The following BPIFB3 variants were observed in gnomAD, a reference collection of about 807,000 sequenced individuals.
BPIFB3 encodes the protein BPI fold containing family B member 3, also known as BPI fold-containing family B member 3.
In BPIFB3, 49 loss-of-function variants were observed where a neutral mutation model predicts 53.1. The ratio of observed to expected loss-of-function variants is 0.92; its 90% CI spans 0.73 to 1.17. BPIFB3 has a LOEUF of 1.17. Among genes scored for constraint, BPIFB3 ranks in the 50% most tolerant of loss-of-function variants. BPIFB3 has a pLI of 0.00. For missense variants in BPIFB3, 628 were observed against 592.5 expected, an observed-to-expected ratio of 1.06 and a Z score of -0.62; for synonymous variants, 271 against 269.6, an observed-to-expected ratio of 1.01 and a Z score of -0.05.
chr20:33,072,884 C>A, intron 14 of BPIFB3, 91 bp downstream of exon 15: 1 of 1,115,774 alleles, frequency 9.0e-7, no homozygotes, highest in Non-Finnish European at 1.3e-6. Flanking sequence ...TGCTTTGCTT[C>A]ATCCTCTTGT....
exon 14 of BPIFB3, chr20:33,072,788 G>T (rs376787900): frequency 2.8e-5 from 45 of 1,612,154 alleles, no homozygotes; most frequent in Non-Finnish European, 3.6e-5. Context: ...TCTGGAGATC[G>T]TAGAGGTGAG....
chr20:33,070,449 T>G (rs551103370), intron 11 of BPIFB3, among the ~76,000 whole-genome samples: 2 of 152,236 alleles, frequency 1.3e-5, no homozygotes, highest in South Asian at 4.1e-4. Context: ...CACAGTACTT[T>G]ACAGTTTGCA....
At chr20:33,061,071 C>T (rs1980435009) in intron 4 of BPIFB3, among the ~76,000 whole-genome samples, 1 of 152,238 alleles carries the variant, frequency 6.6e-6, no homozygotes, top group Admixed American at 6.5e-5. Flanking sequence ...ATCCCGGCCC[C>T]TGCTCCATCT....
At chr20:33,069,025 G>A in intron 10 of BPIFB3, 52 bp downstream of exon 11, 17 of 1,578,488 alleles carry the variant, frequency 1.1e-5, no homozygotes, top group Non-Finnish European at 1.5e-5. Flanking sequence ...CCAAATGGGG[G>A]TGACTGTCTC....
At chr20:33,067,966 A>G (rs1980733797) in intron 9 of BPIFB3, among the ~76,000 whole-genome samples, 1 of 152,198 alleles carries the variant, frequency 6.6e-6, no homozygotes, top group Non-Finnish European at 1.5e-5. Flanking sequence ...ATGTGTTCCA[A>G]GCTTCTGTGG....
chr20:33,056,645 A>C (rs1980220382), exon 2 of BPIFB3: 1 of 1,612,334 alleles, frequency 6.2e-7, no homozygotes, highest in African/African-American at 1.3e-5. Context: ...TGCTTGGAGG[A>C]GGCGGCTTGC....
chr20:33,064,606 A>C (rs901751653), intron 7 of BPIFB3, 58 bp downstream of exon 8: 7 of 1,612,986 alleles, frequency 4.3e-6, no homozygotes, highest in African/African-American at 1.3e-5. Flanking sequence ...GGGATGCCGG[A>C]TCAAGGCAGG....
At chr20:33,056,463 A>T in intron 1 of BPIFB3, 79 bp from the exon 3 acceptor site, 2 of 1,535,326 alleles carry the variant, frequency 1.3e-6, no homozygotes, top group Non-Finnish European at 1.8e-6. Context: ...ACTCAATCTC[A>T]GAGGAAGGAG....
intron 12 of BPIFB3, among the ~76,000 whole-genome samples, chr20:33,071,709 C>T (rs990512070): frequency 7.2e-5 from 11 of 152,162 alleles, no homozygotes; most frequent in African/African-American, 2.7e-4. Flanking sequence ...TCTGGAATCT[C>T]ACCATGGGCT....
chr20:33,069,279 A>C (rs1980791176), intron 10 of BPIFB3, among the ~76,000 whole-genome samples: 1 of 151,770 alleles, frequency 6.6e-6, no homozygotes, highest in South Asian at 2.1e-4. Context: ...TATCTCCCTG[A>C]CGACCCTCCA....
In BPIFB3 at chr20:33,061,889, C is replaced by T; in HGVS notation, c.591+58C>T. The T allele has an allele frequency of 2.5e-6, 4 of 1,594,460 alleles. No individual in the cohort carries two copies. In the South Asian group the frequency reaches 4.4e-5, roughly 18 times the overall value. On this transcript the variant is annotated intron_variant, in intron 5 of 14. Transcript: ENST00000375494. Reference sequence around the variant, plus strand: ...CTCCCAGGACTGGGCCTCTTTCCCCCTCTGGTTTTGGGTGAAGTTTGGCGC... The same window carrying T: ...CTCCCAGGACTGGGCCTCTTTCCCCTTCTGGTTTTGGGTGAAGTTTGGCGC...
At chr20:33,062,141 G>GA (rs1244282302) in intron 5 of BPIFB3, among the ~76,000 whole-genome samples, 2 of 152,202 alleles carry the variant, frequency 1.3e-5, no homozygotes, top group Non-Finnish European at 2.9e-5. Context: ...AAATTAGCGT[G>GA]AAATGAAAAT....
rs1980875026 is a variant in BPIFB3 at position 33,071,254 on chromosome 20, CTCAG to C, written c.1221_1224del (p.Val409ArgfsTer15). 1.3e-6 allele frequency: 2 copies of C among 1,564,264 alleles called. No homozygotes were observed. Among genetic ancestry groups the C allele is most frequent in the African/African-American group, 2.7e-5 (2 of 74,200 alleles). Reference sequence around the variant, plus strand: ...CAGCATCTCTCTTCTCTCCACCAGGCTCAGTGTCAAGGTGGCCTCCTCCTTTACC... The same window carrying C: ...CAGCATCTCTCTTCTCTCCACCAGGCTGTCAAGGTGGCCTCCTCCTTTACC... On this transcript the variant is annotated frameshift_variant and splice_region_variant, in exon 12 of 15. Transcript: ENST00000375494. LOFTEE classifies it high-confidence loss of function.
chr20:33,060,708 T>C (rs756282278), intron 4 of BPIFB3, among the ~76,000 whole-genome samples: 18 of 152,152 alleles, frequency 1.2e-4, no homozygotes, highest in Non-Finnish European at 2.4e-4. Flanking sequence ...TAGCTGGGAT[T>C]ACGGGCGCCC....
At chr20:33,062,598 CTT>C (rs1980505351) in intron 5 of BPIFB3, among the ~76,000 whole-genome samples, 1 of 152,230 alleles carries the variant, frequency 6.6e-6, no homozygotes, top group African/African-American at 2.4e-5. Flanking sequence ...CAGCCCCTAA[CTT>C]AGTCTCTGGG....
At chr20:33,059,747 G>A (rs1032095189) in intron 3 of BPIFB3, 144 bp from the exon 5 acceptor site, 19 of 1,219,674 alleles carry the variant, frequency 1.6e-5, no homozygotes, top group Admixed American at 8.8e-5. Flanking sequence ...AGGGAAGAGG[G>A]TGCAGGGAAG....
chr20:33,061,934 C>T, intron 5 of BPIFB3, 103 bp downstream of exon 6: 2 of 1,373,182 alleles, frequency 1.5e-6, no homozygotes, highest in East Asian at 4.8e-5. Context: ...TTAGGCTGTA[C>T]TTCCCTTCCA....
intron 9 of BPIFB3, 139 bp from the exon 11 acceptor site, chr20:33,068,664 C>A (rs1600543806): frequency 2.3e-6 from 2 of 871,532 alleles, no homozygotes; most frequent in East Asian, 2.7e-5. Context: ...GGGGCTGAGC[C>A]CAGGCCTGTG....
At chr20:33,061,102 G>A (rs1476592319) in intron 4 of BPIFB3, among the ~76,000 whole-genome samples, 1 of 152,244 alleles carries the variant, frequency 6.6e-6, no homozygotes, top group Non-Finnish European at 1.5e-5. Flanking sequence ...ACTCTGAGCA[G>A]TGGGGGATCA....
Sources: gnomAD v4.1 joint callset for allele counts (sites outside exome capture counted in the v4.1 genomes callset) on GRCh38, gnomAD v4.1.1 for gene constraint, MANE v1.5 for transcripts, NCBI Gene and HGNC (gene_info 2026-07-23, HGNC 2026-07-21) for gene names.